The following HCLS1 variants were observed in gnomAD, a reference collection of about 807,000 sequenced individuals.
HCLS1 encodes hematopoietic lineage cell-specific protein.
A neutral mutation model predicts 68.6 loss-of-function variants in HCLS1; 44 were observed. The observed-to-expected ratio is 0.64, with a 90% CI of 0.50 to 0.82. HCLS1 has a LOEUF of 0.82. Ranked by LOEUF, HCLS1 falls within the 40% of genes least tolerant of loss-of-function variation. The pLI is 0.00. For synonymous variants in HCLS1, 217 were observed against 225.8 expected (o/e 0.96, Z 0.35); for missense variants, 602 against 612.1 (o/e 0.98, Z 0.17).
At chr3:121,642,203 T>TA (rs1178989944) in intron 6 of HCLS1, among the ~76,000 whole-genome samples, 1 of 149,010 alleles carries the variant, frequency 6.7e-6, no homozygotes, top group Non-Finnish European at 1.5e-5. Flanking sequence ...CTCACACCTA[T>TA]AATCCCAGCA....
At chr3:121,647,138 C>T (rs1001432852) in intron 4 of HCLS1, among the ~76,000 whole-genome samples, 181 bp downstream of exon 4, 19 of 151,488 alleles carry the variant, frequency 1.3e-4, no homozygotes, top group African/African-American at 2.4e-4. Context: ...CCCACCACGA[C>T]GCACGGCTAA....
intron 3 of HCLS1, among the ~76,000 whole-genome samples, chr3:121,655,097 C>T (rs958850403): frequency 1.3e-5 from 2 of 152,136 alleles, no homozygotes; most frequent in Non-Finnish European, 2.9e-5. Context: ...ATATCTCCAT[C>T]GTTTATTCTA....
At chr3:121,642,091 A>AC (rs2049206412) in intron 6 of HCLS1, among the ~76,000 whole-genome samples, 1 of 151,082 alleles carries the variant, frequency 6.6e-6, no homozygotes, top group Non-Finnish European at 1.5e-5. Flanking sequence ...AAAAAAAAAA[A>AC]AAAAAAACTT....
chr3:121,640,140 G>T (rs1235165281), intron 6 of HCLS1, among the ~76,000 whole-genome samples: 1 of 151,886 alleles, frequency 6.6e-6, no homozygotes, highest in African/African-American at 2.4e-5. Context: ...ATGAATTTAT[G>T]CCAATAAACC....
chr3:121,648,533 C>T (rs1305252792), intron 3 of HCLS1, among the ~76,000 whole-genome samples: 1 of 152,136 alleles, frequency 6.6e-6, no homozygotes, highest in African/African-American at 2.4e-5. Flanking sequence ...TGACTTTCTG[C>T]AGCAAGCAAT....
intron 10 of HCLS1, 108 bp downstream of exon 10, chr3:121,634,099 T>C: frequency 1.9e-6 from 3 of 1,555,438 alleles, no homozygotes; most frequent in Non-Finnish European, 2.6e-6. Flanking sequence ...AGACCTTGCC[T>C]AACCCAGGGG....
At chr3:121,658,451 A>T (rs138720682) in intron 1 of HCLS1, 104 bp from the exon 2 acceptor site, 40 of 775,584 alleles carry the variant, frequency 5.2e-5, no homozygotes, top group East Asian at 4.2e-4. Context: ...ATTTCCTGCC[A>T]TTTTTTTTTT....
At chr3:121,635,432 C>T (rs2049141643) in intron 9 of HCLS1, among the ~76,000 whole-genome samples, 1 of 151,996 alleles carries the variant, frequency 6.6e-6, no homozygotes, top group African/African-American at 2.4e-5. Context: ...TGTGCACCTC[C>T]ATGCCTGGCT....
rs200528198 is a variant in HCLS1 at position 121,631,954 on chromosome 3, C to T, written c.1353G>A (p.Pro451=). 69 of 1,614,026 alleles carry T rather than the reference C, an allele frequency of 4.3e-5. No individual in the cohort carries two copies. The highest frequency in any genetic ancestry group is 4.7e-5 in the Non-Finnish European group (55 of 1,180,024). ...TCTCAATGTCAGTGATTACGTCGTCCGGATCAAAGGAAAGCTCATCACTTC... is the reference window on the plus strand; with the variant it reads ...TCTCAATGTCAGTGATTACGTCGTCTGGATCAAAGGAAAGCTCATCACTTC... ...GEGSDELSFD[P]DDVITDIEMV... is the part of the protein sequence containing the mutation. The change falls in exon 14 of 14, where the codon CCG becomes CCA. Residue 451 remains proline, a synonymous_variant. Coordinates refer to ENST00000314583, the MANE Select transcript of HCLS1 (RefSeq NM_005335.6).
At chr3:121,646,673 TATATATA>T (rs1201776324) in intron 4 of HCLS1, among the ~76,000 whole-genome samples, 2 of 116,972 alleles carry the variant, frequency 1.7e-5, no homozygotes, top group Non-Finnish European at 3.3e-5. Context: ...TATATACACT[TATATATA>T]ATATATAAAA....
intron 5 of HCLS1, chr3:121,643,988 C>T (rs1214376728): frequency 6.6e-6 from 1 of 152,550 alleles, no homozygotes; most frequent in Non-Finnish European, 1.5e-5. Flanking sequence ...TGGTTTTACC[C>T]CCCATGATGC....
chr3:121,635,662 A>G (rs2049143062), intron 9 of HCLS1, 73 bp downstream of exon 9: 1 of 1,162,288 alleles, frequency 8.6e-7, no homozygotes, highest in Non-Finnish European at 1.3e-6. Context: ...GGCATGGAGG[A>G]TATAGTCTGG....
chr3:121,654,940 A>G (rs1391771479), intron 3 of HCLS1, among the ~76,000 whole-genome samples: 1 of 152,204 alleles, frequency 6.6e-6, no homozygotes, highest in African/African-American at 2.4e-5. Flanking sequence ...AAAGTCCTCT[A>G]GAGGTCTTTT....
intron 6 of HCLS1, among the ~76,000 whole-genome samples, chr3:121,637,720 A>G (rs905410341): frequency 4.6e-5 from 7 of 152,170 alleles, no homozygotes; most frequent in African/African-American, 7.2e-5. Context: ...GGATCACCTG[A>G]GGTCAGGAAT....
In HCLS1 at chr3:121,637,265, G is replaced by T. The variant is rs751663139; in HGVS notation, c.455-9C>A. The T allele has an allele frequency of 6.3e-7, 1 of 1,598,556 alleles. No homozygotes were observed. The highest frequency in any genetic ancestry group is 1.1e-5 in the South Asian group (1 of 90,758). On this transcript the variant is annotated splice_polypyrimidine_tract_variant and intron_variant, in intron 6 of 13. Coordinates refer to ENST00000314583, the MANE Select transcript of HCLS1 (RefSeq NM_005335.6). Reference sequence around the variant, plus strand: ...AAAGCCACGAGAGTAATCTGTGGTCGAAGGAGCAGTCATGAGAGCCCACCC... The same window carrying T: ...AAAGCCACGAGAGTAATCTGTGGTCTAAGGAGCAGTCATGAGAGCCCACCC...
At chr3:121,656,137 C>T (rs1937864118) in intron 3 of HCLS1, 2 of 152,172 alleles carry the variant, frequency 1.3e-5, no homozygotes, top group Non-Finnish European at 1.5e-5. Context: ...GCGTGAGCCA[C>T]CACGCCCGGC....
chr3:121,653,778 C>T (rs1447117639), intron 3 of HCLS1: 1 of 152,122 alleles, frequency 6.6e-6, no homozygotes, highest in Non-Finnish European at 1.5e-5. Context: ...AGGCAGACAT[C>T]CTATGGTTAT....
At chr3:121,637,666 G>A (rs2049162694) in intron 6 of HCLS1, among the ~76,000 whole-genome samples, 1 of 152,168 alleles carries the variant, frequency 6.6e-6, no homozygotes, top group Admixed American at 6.5e-5. Context: ...GCCGAGCACG[G>A]TGCTCATGCC....
Position 121,647,276 on chromosome 3 carries a change from C to T in HCLS1, c.288+43G>A, listed in dbSNP as rs9818402. 381,498 of 1,606,318 alleles carry T rather than the reference C, an allele frequency of 0.24. 46,546 individuals are homozygous for T. The highest frequency in any genetic ancestry group is 0.35 in the East Asian group (15,576 of 44,808). On this transcript the variant is annotated intron_variant, in intron 4 of 13. Coordinates refer to ENST00000314583, the MANE Select transcript of HCLS1 (RefSeq NM_005335.6). ...GATTACAGGCGTGAGCCACCGCACC[C>T]GGCTTGTATTTTTTTAAAGCAAATC...
Sources: gnomAD v4.1 joint callset for allele counts (sites outside exome capture counted in the v4.1 genomes callset) on GRCh38, gnomAD v4.1.1 for gene constraint, MANE v1.5 for transcripts, NCBI Gene and HGNC (gene_info 2026-07-23, HGNC 2026-07-21) for gene names.